Variants in PARM1 observed in about 807,000 individuals in gnomAD.
The protein encoded by PARM1 is WSC4, cell wall integrity and stress response component 4 homolog.
In PARM1, 14 loss-of-function variants were observed where a neutral mutation model predicts 24.6. The observed-to-expected ratio is 0.57, with a 90% confidence interval of 0.38 to 0.89. The LOEUF (loss-of-function observed/expected upper bound fraction) is 0.89, where lower values mean the gene tolerates loss of function less well. Ranked by LOEUF, PARM1 falls within the 40% of genes least tolerant of loss-of-function variation. The pLI is 0.00. For synonymous variants in PARM1, 179 were observed against 156.6 expected (o/e 1.14, Z -1.07); for missense variants, 362 against 380.4 (o/e 0.95, Z 0.40).
chr4:74,975,228 A>G (rs960096468), intron 1 of PARM1, among the ~76,000 whole-genome samples: 1 of 152,236 alleles, frequency 6.6e-6, no homozygotes, highest in East Asian at 1.9e-4. Flanking sequence ...TTAAAAAACC[A>G]AGCATCTTTA....
At chr4:75,018,681 T>C (rs558095994) in intron 2 of PARM1, among the ~76,000 whole-genome samples, 3 of 152,220 alleles carry the variant, frequency 2.0e-5, no homozygotes, top group Non-Finnish European at 4.4e-5. Flanking sequence ...TGAGAATATG[T>C]ATGTTCCAAG....
At chr4:74,936,706 C>T (rs752653773) in intron 1 of PARM1, among the ~76,000 whole-genome samples, 1 of 151,974 alleles carries the variant, frequency 6.6e-6, no homozygotes, top group African/African-American at 2.4e-5. Context: ...CCACCAGCCT[C>T]GGACTCCCAA....
intron 3 of PARM1, among the ~76,000 whole-genome samples, chr4:75,042,604 C>T (rs1462985551): frequency 6.6e-6 from 1 of 151,098 alleles, no homozygotes; most frequent in Non-Finnish European, 1.5e-5. Context: ...TAACCTCATA[C>T]ACTATGCAAA....
At chr4:74,970,527 A>T (rs558573117) in intron 1 of PARM1, among the ~76,000 whole-genome samples, 1 of 152,242 alleles carries the variant, frequency 6.6e-6, no homozygotes, top group African/African-American at 2.4e-5. Flanking sequence ...AGAAAATAAA[A>T]TTATTCTCAG....
At chr4:75,026,110 T>C (rs1426564918) in intron 2 of PARM1, among the ~76,000 whole-genome samples, 2 of 152,234 alleles carry the variant, frequency 1.3e-5, no homozygotes, top group Non-Finnish European at 2.9e-5. Flanking sequence ...AAAATACTTC[T>C]GTAGCATACT....
chr4:74,964,725 T>C (rs1721863687), intron 1 of PARM1, among the ~76,000 whole-genome samples: 1 of 152,214 alleles, frequency 6.6e-6, no homozygotes, highest in African/African-American at 2.4e-5. Context: ...GTCTAATCTG[T>C]TCCTAGACAT....
At chr4:74,947,001 G>T (rs1024616016) in intron 1 of PARM1, among the ~76,000 whole-genome samples, 6 of 152,138 alleles carry the variant, frequency 3.9e-5, no homozygotes, top group African/African-American at 1.4e-4. Context: ...TTTCTCTAGG[G>T]TTATTCCAGC....
intron 2 of PARM1, among the ~76,000 whole-genome samples, chr4:75,017,212 A>C (rs143243397): frequency 6.6e-6 from 1 of 152,200 alleles, no homozygotes; most frequent in African/African-American, 2.4e-5. Flanking sequence ...GATCTTTTCA[A>C]AACTCAGAAC....
chr4:75,040,891 C>T (rs191453330), intron 3 of PARM1, among the ~76,000 whole-genome samples: 34 of 152,262 alleles, frequency 2.2e-4, no homozygotes, highest in African/African-American at 7.2e-4. Context: ...ATCCACATGG[C>T]TCATCCGTCA....
At chr4:75,010,941 G>A (rs1425795735) in intron 1 of PARM1, among the ~76,000 whole-genome samples, 1 of 152,220 alleles carries the variant, frequency 6.6e-6, no homozygotes, top group African/African-American at 2.4e-5. Flanking sequence ...CACAGCACCA[G>A]CATCTACTCA....
chr4:75,002,957 G>A (rs1168513988), intron 1 of PARM1, among the ~76,000 whole-genome samples: 1 of 152,210 alleles, frequency 6.6e-6, no homozygotes, highest in African/African-American at 2.4e-5. Flanking sequence ...GACATGCTTT[G>A]TGTGGGCCTT....
intron 2 of PARM1, among the ~76,000 whole-genome samples, chr4:75,013,869 G>A (rs1327613454): frequency 6.6e-6 from 1 of 152,212 alleles, no homozygotes; most frequent in African/African-American, 2.4e-5. Flanking sequence ...ATGGTGGAGA[G>A]AAATCAAGGG....
chr4:74,996,022 C>G (rs1396142455), intron 1 of PARM1, among the ~76,000 whole-genome samples: 1 of 152,094 alleles, frequency 6.6e-6, no homozygotes, highest in Non-Finnish European at 1.5e-5. Context: ...TGACATAATG[C>G]TTTTAAAGTT....
chr4:75,037,748 T>G (rs907253058), intron 3 of PARM1, among the ~76,000 whole-genome samples: 1 of 152,286 alleles, frequency 6.6e-6, no homozygotes, highest in Non-Finnish European at 1.5e-5. Flanking sequence ...CTACTTACTA[T>G]TTAGGCGGCC....
At chr4:74,956,936 G>T (rs1721649198) in intron 1 of PARM1, 1 of 152,246 alleles carries the variant, frequency 6.6e-6, no homozygotes, top group African/African-American at 2.4e-5. Flanking sequence ...ATAAAGGAAA[G>T]AATCATTCAA....
Position 74,933,136 on chromosome 4 carries a change from A to C in PARM1, c.-192A>C. The C allele has an allele frequency of 1.8e-6, 1 of 544,020 alleles. No individual in the cohort carries two copies. Among genetic ancestry groups the C allele is most frequent in the Non-Finnish European group, 3.2e-6 (1 of 309,588 alleles). 33.7% of individuals were successfully genotyped at this position (544,020 alleles called of 1,614,324 possible). On this transcript the variant is annotated 5_prime_UTR_variant, in exon 1 of 4. Transcript: ENST00000307428. ...GGAGCAGAAGAGCGCGGAGCACCGGAGGGCACGCAGCTGACGGAGCTGCGC... is the reference window on the plus strand; with the variant it reads ...GGAGCAGAAGAGCGCGGAGCACCGGCGGGCACGCAGCTGACGGAGCTGCGC...
At chr4:74,966,439 G>A (rs765562664) in intron 1 of PARM1, among the ~76,000 whole-genome samples, 25 of 152,170 alleles carry the variant, frequency 1.6e-4, no homozygotes, top group Non-Finnish European at 2.1e-4. Context: ...AGGGGAAGTT[G>A]CTAAACCAAC....
rs574900799 is a variant in PARM1, at chr4:75,031,006, C to T, written c.770-2877C>T. On this transcript the variant is annotated intron_variant, in intron 2 of 3. Coordinates refer to ENST00000307428, the MANE Select transcript of PARM1 (RefSeq NM_015393.4). ...CCTTTTCAGTCACCCTATAAAGTTG[C>T]GCTAACATGGGCTCAGCAACCCCTT... Among the ~76,000 whole-genome samples, 226 of 152,272 alleles carry T rather than the reference C, an allele frequency of 1.5e-3. 1 individual carries two copies. The highest frequency in any genetic ancestry group is 2.4e-3 in the Non-Finnish European group (163 of 68,020).
intron 1 of PARM1, among the ~76,000 whole-genome samples, chr4:74,997,406 T>C (rs1722595618): frequency 6.6e-6 from 1 of 152,196 alleles, no homozygotes; most frequent in Admixed American, 6.5e-5. Flanking sequence ...TGAAGTGCTT[T>C]CCTTAATGGG....
Sources: gnomAD v4.1 joint callset for allele counts (sites outside exome capture counted in the v4.1 genomes callset) on GRCh38, gnomAD v4.1.1 for gene constraint, MANE v1.5 for transcripts, NCBI Gene and HGNC (gene_info 2026-07-23, HGNC 2026-07-21) for gene names.